Variants in CMYA5 observed in about 807,000 individuals in gnomAD.
CMYA5 encodes cardiomyopathy associated 5.
A neutral mutation model predicts 318.9 loss-of-function variants in CMYA5; 246 were observed. The observed-to-expected ratio is 0.77, with a 90% CI of 0.70 to 0.86. The LOEUF (loss-of-function observed/expected upper bound fraction) is 0.86. CMYA5 is among the 40% of genes least tolerant of loss of function. The pLI, the probability that CMYA5 is intolerant of heterozygous loss-of-function variation, is 0.00. For missense variants in CMYA5, 4,589 were observed against 4,678.2 expected, an observed-to-expected ratio of 0.98 and a Z score of 0.56; for synonymous variants, 1,641 against 1,729.5, an observed-to-expected ratio of 0.95 and a Z score of 1.27.
intron 12 of CMYA5, among the ~76,000 whole-genome samples, chr5:79,796,701 A>G (rs1829282810): frequency 1.3e-5 from 2 of 152,224 alleles, no homozygotes; most frequent in South Asian, 4.1e-4. Flanking sequence ...CACTCAGCCC[A>G]GACCAAGAGT....
In CMYA5 at chr5:79,742,562, G is replaced by A. The variant is rs571831187; in HGVS notation, c.10639-1265G>A. ...GAATTTTCTAGCATCTTAAGGGCAG[G>A]CATTTGTGCCTGTTCCAGGAGCCAA... On this transcript the variant is annotated intron_variant, in intron 2 of 12. Transcript: ENST00000446378. Among the ~76,000 whole-genome samples, 11 of 152,212 alleles carry A rather than the reference G, an allele frequency of 7.2e-5. 1 individual carries two copies. In the South Asian group the frequency reaches 2.3e-3, roughly 32 times the overall value.
At position 79,733,063 on chromosome 5, in the gene CMYA5, A is replaced by G. The variant is rs139147129; in HGVS notation, c.4298A>G (p.His1433Arg). 1.2e-6 allele frequency: 2 copies of G among 1,613,546 alleles called. No homozygotes were observed. The highest frequency in any genetic ancestry group is 8.5e-7 in the Non-Finnish European group (1 of 1,179,708). ...GASPIETSSK[H>R]LAWSEAEKEI... ...TCTCCCATTGAAACTTCATCCAAAC[A>G]TTTAGCTTGGTCAGAAGCAGAGAAG... is the stretch of plus-strand genomic sequence containing the variant. Residue 1433 changes from histidine (H) to arginine (R), a missense_variant, in exon 2 of 13, where the codon CAT becomes CGT. His to Arg is a conservative substitution (Grantham distance 29). Around this residue, in one of 3 missense-constraint regions of CMYA5, gnomAD observed 2,132 missense variants for 2,131.3 expected, o/e 1.00. Transcript: ENST00000446378.
At chr5:79,699,073 G>A (rs927191178) in intron 1 of CMYA5, among the ~76,000 whole-genome samples, 2 of 152,076 alleles carry the variant, frequency 1.3e-5, no homozygotes, top group African/African-American at 4.8e-5. Context: ...CAGGAGAATC[G>A]CTTGAACCCA....
In CMYA5 at chr5:79,732,214, C is replaced by T. The variant is rs377144788; in HGVS notation, c.3449C>T (p.Pro1150Leu). The change falls in exon 2 of 13, where the codon CCT becomes CTT. Residue 1150 changes from proline (P) to leucine (L), a missense_variant. Pro to Leu is a moderately conservative substitution (Grantham distance 98). Coordinates refer to ENST00000446378, the MANE Select transcript of CMYA5 (RefSeq NM_153610.5). ...GCAAGTTCATCAGTAGCTGCAATAC[C>T]TGCTGCTTTACCTGCACAATCATCT... ...REASSSVAAI[P>L]AALPAQSSIV... 1.2e-6 allele frequency: 2 copies of T among 1,613,888 alleles called. No individual in the cohort carries two copies. Among genetic ancestry groups the T allele is most frequent in the East Asian group, 2.2e-5 (1 of 44,874 alleles).
intron 1 of CMYA5, 34 bp from the exon 2 acceptor site, chr5:79,728,878 TATG>T (rs1827803326): frequency 1.1e-6 from 1 of 939,980 alleles, no homozygotes. Flanking sequence ...ATTATTTTAT[TATG>T]ATAATATATA....
At chr5:79,749,509 T>G (rs1561218449) in intron 5 of CMYA5, among the ~76,000 whole-genome samples, 1 of 152,184 alleles carries the variant, frequency 6.6e-6, no homozygotes, top group Non-Finnish European at 1.5e-5. Context: ...AAAATTTTTT[T>G]GAGATTTGTG....
intron 5 of CMYA5, 46 bp downstream of exon 5, chr5:79,747,159 T>G: frequency 6.6e-7 from 1 of 1,505,424 alleles, no homozygotes; most frequent in Non-Finnish European, 8.9e-7. Context: ...CATGACTGGA[T>G]GCTTGCTTTT....
intron 1 of CMYA5, among the ~76,000 whole-genome samples, chr5:79,709,425 T>C (rs1827338498): frequency 1.3e-5 from 2 of 152,194 alleles, no homozygotes; most frequent in Non-Finnish European, 2.9e-5. Flanking sequence ...CTATGTTAAC[T>C]ATTAAATAGG....
At chr5:79,793,410 G>C in intron 11 of CMYA5, 27 bp from the exon 12 acceptor site, 1 of 1,601,126 alleles carries the variant, frequency 6.2e-7, no homozygotes, top group Non-Finnish European at 8.5e-7. Flanking sequence ...CCTGCACTGA[G>C]CATACTCTGA....
Position 79,734,821 on chromosome 5 carries a change from T to C in CMYA5, c.6056T>C (p.Leu2019Ser), listed in dbSNP as rs369404324. The change falls in exon 2 of 13, where the codon TTG (leucine) becomes TCG (serine). Residue 2019 changes from leucine (L) to serine (S), a missense_variant. Coordinates refer to ENST00000446378, the MANE Select transcript of CMYA5 (RefSeq NM_153610.5). The part of the protein sequence containing the change: ...EIHSLMESES[L>S]LLEKANTELS... ...CATTCTTTGATGGAGAGTGAAAGTT[T>C]GCTATTGGAGAAAGCAAACACAGAG... 3.7e-6 allele frequency: 6 copies of C among 1,613,726 alleles called. No homozygotes were observed. Among genetic ancestry groups the C allele is most frequent in the Non-Finnish European group, 4.2e-6 (5 of 1,179,780 alleles).
chr5:79,788,752 G>A (rs1175318229), intron 9 of CMYA5, among the ~76,000 whole-genome samples: 2 of 152,124 alleles, frequency 1.3e-5, no homozygotes, highest in Non-Finnish European at 2.9e-5. Flanking sequence ...GTTGCAAAGA[G>A]CATTCTGGAA....
At chr5:79,791,118 T>G in intron 11 of CMYA5, 49 bp downstream of exon 11, 2 of 1,340,034 alleles carry the variant, frequency 1.5e-6, no homozygotes, top group South Asian at 2.4e-5. Flanking sequence ...AGCAGTAGGG[T>G]CTTAGGGTGT....
Position 79,736,180 on chromosome 5 carries a change from T to A in CMYA5, c.7415T>A (p.Val2472Glu). 1 of 1,613,624 alleles carries A rather than the reference T, an allele frequency of 6.2e-7. No individual in the cohort carries two copies. Among genetic ancestry groups the A allele is most frequent in the South Asian group, 1.1e-5 (1 of 91,058 alleles). ...NRSYTLAEKK[V>E]LAEKQNSVAP... ...TCATATACCTTGGCAGAAAAGAAGG[T>A]GCTGGCAGAAAAACAAAACTCTGTG... Residue 2472 changes from valine (V) to glutamate (E), a missense_variant, in exon 2 of 13, where the codon GTG (valine) becomes GAG (glutamate). By Grantham distance (121) the Val-to-Glu change is moderately radical. Around this residue, in one of 3 missense-constraint regions of CMYA5, gnomAD observed 2,431 missense variants for 2,495.1 expected, o/e 0.97. Transcript: ENST00000446378.
chr5:79,799,402 A>T lies in CMYA5; in HGVS notation c.11996A>T (p.Asp3999Val). The change falls in exon 13 of 13, where the codon GAT becomes GTT. Residue 3999 changes from aspartate (D) to valine (V), a missense_variant. Coordinates refer to ENST00000446378, the MANE Select transcript of CMYA5 (RefSeq NM_153610.5). ...TTTTTCTACAGTGGTATTGTGAGTG[A>T]TGTTCATGTGACTGAGCGTCCAGCC... Reference protein sequence around the residue: ...YTFFYSGIVSDVHVTERPARV... With the variant: ...YTFFYSGIVSVVHVTERPARV... The T allele has an allele frequency of 6.2e-7, 1 of 1,613,076 alleles. No individual in the cohort carries two copies. Among genetic ancestry groups the T allele is most frequent in the South Asian group, 1.1e-5 (1 of 91,036 alleles).
chr5:79,709,158 C>G (rs1358551428), intron 1 of CMYA5, among the ~76,000 whole-genome samples: 1 of 152,004 alleles, frequency 6.6e-6, no homozygotes, highest in Non-Finnish European at 1.5e-5. Context: ...ATGTGTGGCT[C>G]TCGTACACAC....
At position 79,733,468 on chromosome 5, in the gene CMYA5, G is replaced by A. The variant is rs1160050352; in HGVS notation, c.4703G>A (p.Ser1568Asn). The A allele has an allele frequency of 1.2e-6, 2 of 1,613,798 alleles. No individual in the cohort carries two copies. The highest frequency in any genetic ancestry group is 1.7e-6 in the Non-Finnish European group (2 of 1,179,854). Residue 1568 changes from serine to asparagine, a missense_variant, in exon 2 of 13, where the codon AGT becomes AAT. By Grantham distance (46) the Ser-to-Asn change is conservative. Around this residue, in one of 3 missense-constraint regions of CMYA5, gnomAD observed 2,132 missense variants for 2,131.3 expected, o/e 1.00. Coordinates refer to ENST00000446378, the MANE Select transcript of CMYA5 (RefSeq NM_153610.5). ...AAAGGCAAAGATGAGGAAACAGCAA[G>A]TTCATCTCCTGAGTTGGAAAATTTA... ...IPKGKDEETA[S>N]SSPELENLAS...
chr5:79,724,345 A>G (rs1268348594), intron 1 of CMYA5, among the ~76,000 whole-genome samples: 1 of 152,186 alleles, frequency 6.6e-6, no homozygotes, highest in African/African-American at 2.4e-5. Flanking sequence ...ATTGTTTAAT[A>G]AAACTTAACA....
At position 79,799,679 on chromosome 5, in the gene CMYA5, C is replaced by T; in HGVS notation, c.*63C>T. Reference sequence around the variant, plus strand: ...ATTTTGGGGGGGTCTGCTGTTCATTCCTTTAGGTGCTATACATTATTCAAA... The same window carrying T: ...ATTTTGGGGGGGTCTGCTGTTCATTTCTTTAGGTGCTATACATTATTCAAA... On this transcript the variant is annotated 3_prime_UTR_variant, in exon 13 of 13. Transcript: ENST00000446378. 2 of 1,536,948 alleles carry T rather than the reference C, an allele frequency of 1.3e-6. No individual in the cohort carries two copies. The highest frequency in any genetic ancestry group is 2.5e-5 in the South Asian group (2 of 81,522).
chr5:79,738,219 T>C lies in CMYA5; in HGVS notation c.9454T>C (p.Ser3152Pro). 3 of 1,613,812 alleles carry C rather than the reference T, an allele frequency of 1.9e-6. No individual in the cohort carries two copies. The highest frequency in any genetic ancestry group is 2.5e-6 in the Non-Finnish European group (3 of 1,179,822). Residue 3152 changes from serine to proline, a missense_variant, in exon 2 of 13, where the codon TCA becomes CCA. Transcript: ENST00000446378. ...KDTKRDVDSK[S>P]PGMPLFEAEE... is the part of the protein sequence containing the mutation. Reference sequence around the variant, plus strand: ...CACAAAGAGAGATGTGGACTCAAAGTCACCGGGGATGCCTTTATTTGAAGC... The same window carrying C: ...CACAAAGAGAGATGTGGACTCAAAGCCACCGGGGATGCCTTTATTTGAAGC...
Sources: gnomAD v4.1 joint callset for allele counts (sites outside exome capture counted in the v4.1 genomes callset) on GRCh38, gnomAD v4.1.1 for gene constraint, gnomAD v4.1.1 regional missense constraint, MANE v1.5 for transcripts, NCBI Gene and HGNC (gene_info 2026-07-23, HGNC 2026-07-21) for gene names.